TMEM200A: variants seen among roughly 807,000 people sequenced by gnomAD.
TMEM200A encodes the protein two transmembrane C.
Under a neutral mutation model 24.3 loss-of-function variants are expected in TMEM200A, and 12 were observed. The observed-to-expected ratio is 0.49, with a 90% confidence interval of 0.32 to 0.80. The LOEUF (loss-of-function observed/expected upper bound fraction) is 0.80. Among genes scored for constraint, TMEM200A ranks in the 30% least tolerant of loss-of-function variants. The probability of loss-of-function intolerance (pLI) is 0.04; values close to 1 mark genes in which losing one functional copy is unlikely to be tolerated. For synonymous variants in TMEM200A, 224 were observed against 224.4 expected, an observed-to-expected ratio of 1.00 and a Z score of 0.02; for missense variants, 545 against 614.4, an observed-to-expected ratio of 0.89 and a Z score of 1.19.
intron 2 of TMEM200A, among the ~76,000 whole-genome samples, chr6:130,412,123 G>A (rs1048475761): frequency 7.0e-5 from 10 of 142,144 alleles, no homozygotes; most frequent in African/African-American, 1.9e-4. Flanking sequence ...GGCACTAATC[G>A]TTGTGAGCTC....
At position 130,442,132 on chromosome 6, in the gene TMEM200A, T is replaced by TTTTA. The variant is rs1419467761; in HGVS notation, c.*237_*240dup. Reference sequence around the variant, plus strand: ...TCTCTTCCTTTGAAAGCATGATCTCTTTTATTAATATGAATGCAAAATGCT... The same window carrying TTTTA: ...TCTCTTCCTTTGAAAGCATGATCTCTTTTATTTATTAATATGAATGCAAAATGCT... On this transcript the variant is annotated 3_prime_UTR_variant, in exon 3 of 3. Transcript: ENST00000296978. 3 of 382,698 alleles carry TTTTA rather than the reference T, an allele frequency of 7.8e-6. No homozygotes were observed. In the East Asian group the frequency reaches 1.3e-4, roughly 16 times the overall value. 23.7% of individuals were successfully genotyped at this position (382,698 alleles called of 1,614,324 possible).
intron 2 of TMEM200A, among the ~76,000 whole-genome samples, chr6:130,434,390 C>A (rs1195497266): frequency 6.6e-6 from 1 of 152,162 alleles, no homozygotes; most frequent in Non-Finnish European, 1.5e-5. Flanking sequence ...TGGCTGGATC[C>A]AAAGATGTCT....
At position 130,389,910 on chromosome 6, in the gene TMEM200A, T is replaced by C. The variant is rs555446321; in HGVS notation, c.-17+4674T>C. On this transcript the variant is annotated intron_variant, in intron 2 of 2. Transcript: ENST00000296978. ...ATCCCCATCCAGTTCTTTGTTAATA[T>C]ATTTTACTTTATGAGAACAATTAGC... Among the ~76,000 whole-genome samples, 67 of 152,342 alleles carry C rather than the reference T, an allele frequency of 4.4e-4. 1 individual carries two copies. The South Asian group carries it at 0.013, about 31-fold the overall frequency.
At chr6:130,422,791 C>G (rs141956891) in intron 2 of TMEM200A, among the ~76,000 whole-genome samples, 128 of 152,256 alleles carry the variant, frequency 8.4e-4, no homozygotes, top group African/African-American at 2.9e-3. Context: ...ATAGTGAAGG[C>G]ATTTGGACCC....
At chr6:130,386,247 A>G (rs1384823367) in intron 2 of TMEM200A, among the ~76,000 whole-genome samples, 1 of 152,134 alleles carries the variant, frequency 6.6e-6, no homozygotes, top group East Asian at 1.9e-4. Context: ...AGCTCAGAGG[A>G]AGGGTCGGGG....
chr6:130,394,374 CAGG>C (rs1778901697), intron 2 of TMEM200A, among the ~76,000 whole-genome samples: 1 of 152,186 alleles, frequency 6.6e-6, no homozygotes, highest in Admixed American at 6.5e-5. Flanking sequence ...CCTCTGCCAG[CAGG>C]TTTCTGTTGG....
chr6:130,401,309 AAATT>A (rs1411546124), intron 2 of TMEM200A, among the ~76,000 whole-genome samples: 4 of 151,862 alleles, frequency 2.6e-5, no homozygotes, highest in Non-Finnish European at 5.9e-5. Context: ...GCTAGACCAT[AAATT>A]ATTAGACTAA....
intron 2 of TMEM200A, among the ~76,000 whole-genome samples, chr6:130,400,515 GAT>G (rs1491306576): frequency 2.5e-5 from 3 of 119,256 alleles, no homozygotes; most frequent in African/African-American, 1.5e-4. Flanking sequence ...TAGCTCCTAT[GAT>G]TTTTTTTTTT....
intron 2 of TMEM200A, among the ~76,000 whole-genome samples, chr6:130,385,510 A>C (rs2115097852): frequency 6.6e-6 from 1 of 152,318 alleles, no homozygotes; most frequent in East Asian, 1.9e-4. Flanking sequence ...ATAATTGTAT[A>C]GGTCATTTTA....
intron 2 of TMEM200A, among the ~76,000 whole-genome samples, chr6:130,410,942 G>A (rs1370113471): frequency 6.6e-6 from 1 of 152,196 alleles, no homozygotes; most frequent in Non-Finnish European, 1.5e-5. Context: ...GCTGAGGCAA[G>A]TGGATCACCT....
rs1314124712 is a variant in TMEM200A, at chr6:130,391,411, AATGTGTTCAC to A, written c.-17+6176_-17+6185del. On this transcript the variant is annotated intron_variant, in intron 2 of 2. Transcript: ENST00000296978. ...TGCCCCATCATTGATATAATTAGACAATGTGTTCACTCAAAGAAGAGGGAAATCTGGGATA... is the reference window on the plus strand; with the variant it reads ...TGCCCCATCATTGATATAATTAGACATCAAAGAAGAGGGAAATCTGGGATA... Among the ~76,000 whole-genome samples the A allele has an allele frequency of 2.6e-5, 4 of 152,200 alleles. No individual in the cohort carries two copies. The East Asian group carries it at 7.7e-4, about 29-fold the overall frequency.
intron 2 of TMEM200A, among the ~76,000 whole-genome samples, chr6:130,403,929 GT>G (rs2115140209): frequency 6.6e-6 from 1 of 152,152 alleles, no homozygotes; most frequent in South Asian, 2.1e-4. Context: ...GCGGTATTTG[GT>G]TTTATGCTCC....
Position 130,440,595 on chromosome 6 carries a change from A to G in TMEM200A, c.173A>G (p.Tyr58Cys). The change falls in exon 3 of 3, where the codon TAT becomes TGT. Residue 58 changes from tyrosine (Y) to cysteine (C), a missense_variant. Transcript: ENST00000296978. ...VVVVRGKIRL[Y>C]SPSGFFLILG... Reference sequence around the variant, plus strand: ...GTTGTTCGTGGCAAAATCCGGCTTTATTCCCCATCTGGTTTTTTTCTTATT... The same window carrying G: ...GTTGTTCGTGGCAAAATCCGGCTTTGTTCCCCATCTGGTTTTTTTCTTATT... The G allele has an allele frequency of 6.2e-7, 1 of 1,614,064 alleles. No homozygotes were observed. The highest frequency in any genetic ancestry group is 8.5e-7 in the Non-Finnish European group (1 of 1,179,980).
In TMEM200A at chr6:130,366,056, G is replaced by A; in HGVS notation, c.-549G>A. 1.3e-5 allele frequency: 13 copies of A among 985,638 alleles called. No individual in the cohort carries two copies. The highest frequency in any genetic ancestry group is 1.6e-5 in the Non-Finnish European group (13 of 830,114). 61.1% of individuals were successfully genotyped at this position (985,638 alleles called of 1,614,324 possible). A position where few individuals can be genotyped will look rare whatever the true frequency, so the allele number is the denominator to read the frequency against. ...AGAAAACTTTTCCCCTCCCGTTCCC[G>A]GTCCCTTTTGTCTTTCTTGGACGCG... is the stretch of plus-strand genomic sequence containing the variant. On this transcript the variant is annotated 5_prime_UTR_variant, in exon 1 of 3. Transcript: ENST00000296978. The surrounding 1 kb of genome is among the most constrained non-coding windows in gnomAD (Gnocchi z 4.4).
In TMEM200A at chr6:130,366,380, C is replaced by A; in HGVS notation, c.-225C>A. 3 of 985,394 alleles carry A rather than the reference C, an allele frequency of 3.0e-6. No individual in the cohort carries two copies. In the African/African-American group the frequency reaches 5.2e-5, roughly 17 times the overall value. The allele number at this position is 985,394 out of a possible 1,614,324, so 61.0% of individuals were successfully genotyped here. On this transcript the variant is annotated 5_prime_UTR_variant, in exon 1 of 3. Coordinates refer to ENST00000296978, the MANE Select transcript of TMEM200A (RefSeq NM_001258277.2). The surrounding 1 kb of genome is among the most constrained non-coding windows in gnomAD (Gnocchi z 4.4). ...GGGAGACCGCGGCTGCCCGCGGCGG[C>A]CGAGATTCCCGCTGACGCCCCCGAC...
chr6:130,432,385 A>G (rs1469327634), intron 2 of TMEM200A, among the ~76,000 whole-genome samples: 3 of 152,236 alleles, frequency 2.0e-5, no homozygotes, highest in Admixed American at 2.0e-4. Flanking sequence ...GAATGAATTT[A>G]AAAGAAAGGC....
At chr6:130,424,131 G>T (rs117161751) in intron 2 of TMEM200A, among the ~76,000 whole-genome samples, 2,772 of 152,010 alleles carry the variant, frequency 0.018, 23 homozygotes, top group Non-Finnish European at 0.027. Context: ...CTCCAAAAAT[G>T]TTCAATTATG....
intron 2 of TMEM200A, among the ~76,000 whole-genome samples, chr6:130,408,383 T>G (rs1006707087): frequency 3.9e-5 from 6 of 152,320 alleles, no homozygotes; most frequent in African/African-American, 1.2e-4. Flanking sequence ...GAGACACTGC[T>G]TTTGTCTCTA....
At chr6:130,388,626 A>G (rs1026221134) in intron 2 of TMEM200A, among the ~76,000 whole-genome samples, 2 of 152,306 alleles carry the variant, frequency 1.3e-5, no homozygotes, top group South Asian at 4.1e-4. Flanking sequence ...ATAAGTAGAT[A>G]CTCATATTTC....
Sources: gnomAD v4.1 joint callset for allele counts (sites outside exome capture counted in the v4.1 genomes callset) on GRCh38, gnomAD v4.1.1 for gene constraint, Gnocchi (gnomAD v3.1) non-coding constraint, MANE v1.5 for transcripts, NCBI Gene and HGNC (gene_info 2026-07-23, HGNC 2026-07-21) for gene names.